Variants in SYNRG observed in about 807,000 individuals in gnomAD.
SYNRG encodes synergin gamma, also known as AP1 gamma subunit binding protein 1.
In SYNRG, 37 loss-of-function variants were observed where a neutral mutation model predicts 130.9. The ratio of observed to expected loss-of-function variants is 0.28; its 90% CI spans 0.22 to 0.37. The LOEUF (loss-of-function observed/expected upper bound fraction) is 0.37, where lower values mean the gene tolerates loss of function less well. SYNRG is among the 10% of genes least tolerant of loss of function. The probability of loss-of-function intolerance (pLI) is 1.00; values close to 1 mark genes in which losing one functional copy is unlikely to be tolerated. For missense variants in SYNRG, 1,338 were observed against 1,588.9 expected (o/e 0.84, Z 2.68); for synonymous variants, 539 against 568.1 (o/e 0.95, Z 0.73).
chr17:37,568,155 G>A (rs541608616), intron 11 of SYNRG: 1 of 152,460 alleles, frequency 6.6e-6, no homozygotes, highest in Admixed American at 6.5e-5. Flanking sequence ...AGTGAGCCGA[G>A]ATCACGCCAC....
chr17:37,586,607 C>A, intron 3 of SYNRG, 58 bp from the exon 4 acceptor site: 2 of 1,580,068 alleles, frequency 1.3e-6, no homozygotes, highest in Non-Finnish European at 1.7e-6. Context: ...TTATCACACA[C>A]AAAAATGTGA....
Position 37,571,887 on chromosome 17 carries a change from A to T in SYNRG, c.1002T>A (p.Thr334=). 4 of 1,614,180 alleles carry T rather than the reference A, an allele frequency of 2.5e-6. No homozygotes were observed. The highest frequency in any genetic ancestry group is 2.5e-6 in the Non-Finnish European group (3 of 1,180,018). The change falls in exon 9 of 22, where the codon ACT becomes ACA. Residue 334 remains threonine (T), a synonymous_variant. Coordinates refer to ENST00000612223, the MANE Select transcript of SYNRG (RefSeq NM_007247.6). ...ILMSSGLPRE[T]LGQIWALANR... The stretch of plus-strand genomic sequence containing the variant: ...TAGCTAAGGCCCATATCTGTCCAAG[A>T]GTTTCCCTGGGAAGCCCAGATGACA...
intron 19 of SYNRG, among the ~76,000 whole-genome samples, chr17:37,527,633 T>C (rs1242735766): frequency 6.6e-6 from 1 of 152,184 alleles, no homozygotes; most frequent in African/African-American, 2.4e-5. Flanking sequence ...ATCCAATACA[T>C]ATAATAACTA....
At chr17:37,577,120 G>C (rs1568454303) in intron 7 of SYNRG, among the ~76,000 whole-genome samples, 1 of 152,092 alleles carries the variant, frequency 6.6e-6, no homozygotes, top group Non-Finnish European at 1.5e-5. Flanking sequence ...TAAAAGGAAA[G>C]AAAATTTTAA....
intron 6 of SYNRG, among the ~76,000 whole-genome samples, chr17:37,582,560 G>A (rs2061412402): frequency 6.6e-6 from 1 of 152,152 alleles, no homozygotes. Flanking sequence ...TTAAAAAGAA[G>A]TATAAAAGTT....
intron 13 of SYNRG, 107 bp downstream of exon 13, chr17:37,561,084 CACAG>C (rs2059494576): frequency 1.1e-6 from 1 of 889,398 alleles, no homozygotes. Context: ...CTCCTAAACA[CACAG>C]ACACACACAC....
chr17:37,593,136 G>A (rs186613873), intron 3 of SYNRG, among the ~76,000 whole-genome samples: 17 of 152,160 alleles, frequency 1.1e-4, no homozygotes, highest in African/African-American at 3.4e-4. Context: ...ATTTCTGGCC[G>A]GCGCGATGGC....
At chr17:37,535,842 A>T in intron 19 of SYNRG, 137 bp downstream of exon 19, 40 of 1,137,338 alleles carry the variant, frequency 3.5e-5, no homozygotes, top group Non-Finnish European at 4.6e-5. Flanking sequence ...CACACCTGTG[A>T]TCTCCCTCCT....
chr17:37,541,248 A>ACGACC (rs1568320740), intron 15 of SYNRG: 1 of 985,362 alleles, frequency 1.0e-6, no homozygotes, highest in African/African-American at 1.7e-5. Context: ...GTTGAAATCA[A>ACGACC]CGACCCCTCC....
rs992995201 is a variant in SYNRG at position 37,517,478 on chromosome 17, G to A, written c.*1462C>T. ...GAGTGAGAAAAGCCTTTCTCTCCTC[G>A]GTGCCTCTCTGTGCATTCGGGCACG... On this transcript the variant is annotated 3_prime_UTR_variant, in exon 22 of 22. Transcript: ENST00000612223. 6.6e-6 allele frequency: 1 copy of A among 151,636 alleles called. No homozygotes were observed. The highest frequency in any genetic ancestry group is 1.5e-5 in the Non-Finnish European group (1 of 67,946). The allele number at this position is 151,636 out of a possible 1,614,324, so 9.4% of individuals were successfully genotyped here.
chr17:37,569,009 C>T (rs998921327), intron 10 of SYNRG, 85 bp from the exon 11 acceptor site: 9 of 1,462,172 alleles, frequency 6.2e-6, no homozygotes, highest in East Asian at 2.3e-5. Flanking sequence ...TCAAAGACTG[C>T]CTTTAAAATT....
At chr17:37,595,869 C>T (rs1371173561) in intron 3 of SYNRG, among the ~76,000 whole-genome samples, 1 of 151,844 alleles carries the variant, frequency 6.6e-6, no homozygotes, top group Non-Finnish European at 1.5e-5. Flanking sequence ...ATTGTCCTGC[C>T]TCAGCCTCCC....
At chr17:37,528,323 T>C (rs2056202343) in intron 19 of SYNRG, among the ~76,000 whole-genome samples, 1 of 152,166 alleles carries the variant, frequency 6.6e-6, no homozygotes, top group Non-Finnish European at 1.5e-5. Flanking sequence ...ACTCTTCCCC[T>C]CCTACCTTCC....
intron 13 of SYNRG, 97 bp downstream of exon 13, chr17:37,561,098 C>A: frequency 9.9e-7 from 1 of 1,008,102 alleles, no homozygotes; most frequent in South Asian, 1.3e-5. Flanking sequence ...GACACACACA[C>A]ACTAAAATAA....
chr17:37,523,462 C>A (rs1368942197), intron 19 of SYNRG, among the ~76,000 whole-genome samples: 1 of 152,214 alleles, frequency 6.6e-6, no homozygotes, highest in Non-Finnish European at 1.5e-5. Flanking sequence ...ACCCAGTCTT[C>A]ATTTAATTTT....
intron 11 of SYNRG, among the ~76,000 whole-genome samples, chr17:37,562,192 A>G (rs769561674): frequency 2.6e-5 from 4 of 152,244 alleles, no homozygotes; most frequent in Non-Finnish European, 4.4e-5. Context: ...TAGAGTTAAT[A>G]CAATTTGCAT....
chr17:37,558,432 T>C (rs1283559919), intron 13 of SYNRG, among the ~76,000 whole-genome samples: 2 of 152,220 alleles, frequency 1.3e-5, no homozygotes, highest in African/African-American at 2.4e-5. Flanking sequence ...ATAGCATGCA[T>C]AGTTAAGCTT....
chr17:37,557,850 A>G (rs566692692), intron 13 of SYNRG, among the ~76,000 whole-genome samples: 1 of 148,216 alleles, frequency 6.7e-6, no homozygotes, highest in South Asian at 2.2e-4. Flanking sequence ...TGTCTCTCAG[A>G]AAAAAAAAAA....
At chr17:37,574,705 T>C (rs997730383) in intron 8 of SYNRG, among the ~76,000 whole-genome samples, 1 of 152,136 alleles carries the variant, frequency 6.6e-6, no homozygotes, top group Non-Finnish European at 1.5e-5. Context: ...CAATGAGATA[T>C]CATCTCACCC....
Sources: gnomAD v4.1 joint callset for allele counts (sites outside exome capture counted in the v4.1 genomes callset) on GRCh38, gnomAD v4.1.1 for gene constraint, MANE v1.5 for transcripts, NCBI Gene and HGNC (gene_info 2026-07-23, HGNC 2026-07-21) for gene names.